The following SORCS3 variants were observed in gnomAD, a reference collection of about 807,000 sequenced individuals.
SORCS3 encodes the protein sortilin related VPS10 domain containing receptor 3.
SORCS3 carries 57 observed loss-of-function variants against 146.3 expected under a neutral mutation model. The observed-to-expected ratio is 0.39, with a 90% CI of 0.31 to 0.49. SORCS3 has a LOEUF of 0.49. Among genes scored for constraint, SORCS3 ranks in the 20% least tolerant of loss-of-function variants. The probability of loss-of-function intolerance (pLI) is 0.92; values close to 1 mark genes in which losing one functional copy is unlikely to be tolerated. For synonymous variants in SORCS3, 653 were observed against 618.5 expected, an observed-to-expected ratio of 1.06 and a Z score of -0.83; for missense variants, 1,341 against 1,575.5, an observed-to-expected ratio of 0.85 and a Z score of 2.52.
intron 9 of SORCS3, among the ~76,000 whole-genome samples, chr10:105,150,034 G>A (rs1395508443): frequency 3.3e-5 from 5 of 152,090 alleles, no homozygotes; most frequent in Non-Finnish European, 7.4e-5. Flanking sequence ...TTCAATTTTA[G>A]CAGGATTGAT....
chr10:104,938,542 T>A (rs2019282009), intron 3 of SORCS3, among the ~76,000 whole-genome samples: 1 of 144,538 alleles, frequency 6.9e-6, no homozygotes, highest in South Asian at 2.1e-4. Flanking sequence ...GCCCATAGTA[T>A]CCTCTTAAAA....
chr10:104,965,317 C>A (rs536449400), intron 3 of SORCS3, among the ~76,000 whole-genome samples: 8 of 152,296 alleles, frequency 5.3e-5, no homozygotes, highest in African/African-American at 1.9e-4. Context: ...ACTGTCTTGG[C>A]CATGGTCACC....
At chr10:105,020,296 G>T (rs1393931190) in intron 4 of SORCS3, among the ~76,000 whole-genome samples, 11 of 152,272 alleles carry the variant, frequency 7.2e-5, no homozygotes, top group Non-Finnish European at 1.6e-4. Context: ...CGTAAATACT[G>T]ACCACATAGA....
intron 8 of SORCS3, among the ~76,000 whole-genome samples, chr10:105,141,628 A>G (rs1193675708): frequency 6.6e-6 from 1 of 152,164 alleles, no homozygotes; most frequent in East Asian, 1.9e-4. Context: ...AGTGTTTGGC[A>G]GAGAATGAAA....
intron 5 of SORCS3, among the ~76,000 whole-genome samples, chr10:105,046,928 C>T (rs1421657558): frequency 6.6e-6 from 1 of 152,072 alleles, no homozygotes; most frequent in Non-Finnish European, 1.5e-5. Context: ...TTGTAATTTG[C>T]ATGGAGAGCA....
chr10:104,783,908 AATCCTGTGGAATACTAATCCTAAAT>A (rs1223700392), intron 1 of SORCS3, among the ~76,000 whole-genome samples: 3 of 152,228 alleles, frequency 2.0e-5, no homozygotes, highest in African/African-American at 7.2e-5. Flanking sequence ...TCCAAAAGTT[AATCCTGTGGAATACTAATCCTAAAT>A]GCTCTGAGAT....
intron 7 of SORCS3, among the ~76,000 whole-genome samples, chr10:105,114,108 G>A (rs1438864900): frequency 1.3e-5 from 2 of 152,158 alleles, no homozygotes; most frequent in Admixed American, 6.5e-5. Flanking sequence ...ACTAGGGAAT[G>A]TGATGAAGAA....
chr10:105,129,052 C>T (rs557505007), intron 7 of SORCS3, among the ~76,000 whole-genome samples: 115 of 152,222 alleles, frequency 7.6e-4, no homozygotes, highest in African/African-American at 2.2e-3. Context: ...ACAGGACCTT[C>T]CACCTTTTCC....
chr10:105,237,993 T>C (rs922810909), intron 20 of SORCS3, among the ~76,000 whole-genome samples: 3 of 152,208 alleles, frequency 2.0e-5, no homozygotes, highest in African/African-American at 4.8e-5. Context: ...TGCTCGTTGA[T>C]ATTAGGGATA....
At chr10:105,036,604 C>T (rs1339879304) in intron 4 of SORCS3, among the ~76,000 whole-genome samples, 1 of 152,132 alleles carries the variant, frequency 6.6e-6, no homozygotes, top group African/African-American at 2.4e-5. Context: ...TAGAAATGTT[C>T]CCACCAGTTA....
In SORCS3 at chr10:105,173,745, T is replaced by A. The variant is rs185753447; in HGVS notation, c.1902-4321T>A. On this transcript the variant is annotated intron_variant, in intron 13 of 26. Transcript: ENST00000369701. ...ATTTTCTTCTACTAATTCTTTCAAC[T>A]AATCCCTTTTCACACTAAGCTACAG... Among the ~76,000 whole-genome samples, 444 of 152,342 alleles carry A rather than the reference T, an allele frequency of 2.9e-3. 1 individual carries two copies. The highest frequency in any genetic ancestry group is 6.8e-3 in the Middle Eastern group (2 of 294).
At chr10:104,818,287 G>T (rs1177724570) in intron 1 of SORCS3, among the ~76,000 whole-genome samples, 1 of 152,122 alleles carries the variant, frequency 6.6e-6, no homozygotes, top group African/African-American at 2.4e-5. Context: ...AAGCCAATTG[G>T]AATCCCTTCC....
At chr10:104,679,333 C>T (rs527596144) in intron 1 of SORCS3, among the ~76,000 whole-genome samples, 9 of 152,242 alleles carry the variant, frequency 5.9e-5, no homozygotes, top group South Asian at 2.1e-4. Flanking sequence ...CTGCTGAGAA[C>T]GTTGTCTACC....
At chr10:105,113,435 A>G (rs935023378) in intron 7 of SORCS3, among the ~76,000 whole-genome samples, 2 of 152,236 alleles carry the variant, frequency 1.3e-5, no homozygotes, top group East Asian at 3.8e-4. Flanking sequence ...CATTCATTAA[A>G]TTAAACCTCT....
intron 16 of SORCS3, among the ~76,000 whole-genome samples, chr10:105,208,734 G>T (rs1297505787): frequency 2.6e-5 from 4 of 151,798 alleles, no homozygotes; most frequent in African/African-American, 9.7e-5. Context: ...ATTTCATACA[G>T]TTTCATTTTT....
chr10:105,063,799 C>T (rs1201514403), intron 5 of SORCS3, among the ~76,000 whole-genome samples: 3 of 152,212 alleles, frequency 2.0e-5, no homozygotes, highest in Non-Finnish European at 2.9e-5. Context: ...ACCTGATCCT[C>T]GGGTGTCACA....
Position 104,843,419 on chromosome 10 carries a change from C to T in SORCS3, c.695+560C>T, listed in dbSNP as rs142699951. ...TATTAAAAGGTCTGTTTTACCACTG[C>T]GTTGGTATAAAGACAACTACATTAA... On this transcript the variant is annotated intron_variant, in intron 2 of 26. Coordinates refer to ENST00000369701, the MANE Select transcript of SORCS3 (RefSeq NM_014978.3). Among the ~76,000 whole-genome samples, 1,118 of 152,292 alleles carry T rather than the reference C, an allele frequency of 7.3e-3. 12 individuals are homozygous for T. The highest frequency in any genetic ancestry group is 0.026 in the African/African-American group (1,070 of 41,544).
chr10:105,200,998 A>C, intron 15 of SORCS3, 122 bp from the exon 16 acceptor site: 2 of 1,026,458 alleles, frequency 1.9e-6, no homozygotes, highest in Non-Finnish European at 2.8e-6. Flanking sequence ...ATTACTGAGA[A>C]TGAGACTGCT....
intron 4 of SORCS3, among the ~76,000 whole-genome samples, chr10:104,988,715 T>G (rs2054976095): frequency 6.6e-6 from 1 of 152,214 alleles, no homozygotes; most frequent in South Asian, 2.1e-4. Flanking sequence ...TTACAAATCA[T>G]GAATATGTAT....
Sources: gnomAD v4.1 joint callset for allele counts (sites outside exome capture counted in the v4.1 genomes callset) on GRCh38, gnomAD v4.1.1 for gene constraint, MANE v1.5 for transcripts, NCBI Gene and HGNC (gene_info 2026-07-23, HGNC 2026-07-21) for gene names.